ACSS2: variants seen among roughly 807,000 people sequenced by gnomAD.
The protein encoded by ACSS2 is acyl-CoA synthetase short chain family member 2, also known as acetyl-coenzyme A synthetase, cytoplasmic.
In ACSS2, 58 loss-of-function variants were observed where a neutral mutation model predicts 90.6. The observed-to-expected ratio is 0.64, with a 90% CI of 0.52 to 0.80. The LOEUF is 0.80. ACSS2 is among the 30% of genes least tolerant of loss of function. ACSS2 has a pLI of 0.00. For synonymous variants in ACSS2, 300 were observed against 330.9 expected (o/e 0.91, Z 1.01); for missense variants, 759 against 912.0 (o/e 0.83, Z 2.16).
intron 2 of ACSS2, among the ~76,000 whole-genome samples, chr20:34,909,636 A>G (rs2080899125): frequency 6.6e-6 from 1 of 152,020 alleles, no homozygotes; most frequent in Non-Finnish European, 1.5e-5. Context: ...CCTTAAGTAG[A>G]GCAGTTCTTC....
intron 2 of ACSS2, among the ~76,000 whole-genome samples, chr20:34,911,677 A>G (rs2080963318): frequency 2.0e-5 from 3 of 152,042 alleles, no homozygotes; most frequent in Admixed American, 2.0e-4. Context: ...TTTTTATATC[A>G]TTCTGCTCTA....
chr20:34,883,932 ATTGTTTTGTT>A (rs1018584928), intron 2 of ACSS2, among the ~76,000 whole-genome samples: 2 of 151,884 alleles, frequency 1.3e-5, no homozygotes, highest in South Asian at 2.1e-4. Flanking sequence ...TTGTTTTTGT[ATTGTTTTGTT>A]TTGTTTTGTT....
intron 1 of ACSS2, among the ~76,000 whole-genome samples, chr20:34,878,905 T>C (rs915657037): frequency 1.5e-5 from 2 of 133,610 alleles, no homozygotes; most frequent in Non-Finnish European, 3.5e-5. Context: ...CTTTTTTTTT[T>C]TTTTTTCTTT....
In ACSS2 at chr20:34,919,576, AGTGTGTGTGTGTGT is replaced by A. The variant is rs59343003; in HGVS notation, c.972+35_972+48del. 1.0e-3 allele frequency: 1,516 copies of A among 1,475,114 alleles called. 5 individuals carry two copies. In the African/African-American group the frequency reaches 0.018, roughly 17 times the overall value. The allele number at this position is 1,475,114 out of a possible 1,614,324, so 91.4% of individuals were successfully genotyped here. A position where few individuals can be genotyped will look rare whatever the true frequency, so the allele number is the denominator to read the frequency against. On this transcript the variant is annotated splice_donor_5th_base_variant and intron_variant, in intron 8 of 17. Transcript: ENST00000360596. ...TGGCTCCACAGGCAAACCCAAGGCAAGTGTGTGTGTGTGTGTGTGTGTGTGTGTGTGTGTGTGTG... is the reference window on the plus strand; with the variant it reads ...TGGCTCCACAGGCAAACCCAAGGCAAGTGTGTGTGTGTGTGTGTGTGTGTG...
At chr20:34,879,605 C>T (rs1226700465) in intron 1 of ACSS2, among the ~76,000 whole-genome samples, 1 of 151,928 alleles carries the variant, frequency 6.6e-6, no homozygotes, top group African/African-American at 2.4e-5. Context: ...TGGTGACGCA[C>T]GTCTGTAATC....
At chr20:34,924,040 G>A (rs746531450) in intron 14 of ACSS2, among the ~76,000 whole-genome samples, 1 of 152,176 alleles carries the variant, frequency 6.6e-6, no homozygotes, top group Non-Finnish European at 1.5e-5. Flanking sequence ...AGGGGTCTCA[G>A]AATGGTGCCA....
chr20:34,885,825 T>G (rs894417791), intron 2 of ACSS2, among the ~76,000 whole-genome samples: 3 of 152,072 alleles, frequency 2.0e-5, no homozygotes, highest in African/African-American at 7.3e-5. Context: ...ATTCTGTAAC[T>G]CAAAAACAAG....
chr20:34,904,072 A>G (rs1193236548), intron 2 of ACSS2, among the ~76,000 whole-genome samples: 1 of 152,048 alleles, frequency 6.6e-6, no homozygotes, highest in Non-Finnish European at 1.5e-5. Flanking sequence ...AAATAAATAT[A>G]ATAAAAGCTA....
chr20:34,888,063 C>A, intron 2 of ACSS2, among the ~76,000 whole-genome samples: 1 of 54,196 alleles, frequency 1.8e-5, no homozygotes, highest in Non-Finnish European at 3.6e-5. Flanking sequence ...GAGCAAGACT[C>A]CATCAAAAAA....
At chr20:34,906,729 T>C (rs1407805412) in intron 2 of ACSS2, among the ~76,000 whole-genome samples, 1 of 152,080 alleles carries the variant, frequency 6.6e-6, no homozygotes, top group Non-Finnish European at 1.5e-5. Flanking sequence ...ACGCCTGTAA[T>C]CCCAGCACTT....
intron 2 of ACSS2, among the ~76,000 whole-genome samples, chr20:34,898,789 C>T (rs993703498): frequency 5.3e-5 from 8 of 152,290 alleles, no homozygotes; most frequent in South Asian, 2.1e-4. Flanking sequence ...GCCAGTCCTG[C>T]GCCGTGTGCC....
At chr20:34,876,441 A>ATTTCTG (rs537426509), upstream of ACSS2, 158 of 462,172 alleles carry the variant, frequency 3.4e-4, no homozygotes, top group African/African-American at 3.1e-3. Flanking sequence ...TCCTTATAGT[A>ATTTCTG]TTTCTGTCCT....
In ACSS2 at chr20:34,914,178, G is replaced by A. The variant is rs2081027004; in HGVS notation, c.719+7G>A. On this transcript the variant is annotated splice_region_variant and intron_variant, in intron 6 of 17. Coordinates refer to ENST00000360596, the MANE Select transcript of ACSS2 (RefSeq NM_018677.4). Reference sequence around the variant, plus strand: ...TGCAGAAGTGTCAGGAGAAGTAAGTGTGTTTGGCTACTGTCTGAGTTGACT... The same window carrying A: ...TGCAGAAGTGTCAGGAGAAGTAAGTATGTTTGGCTACTGTCTGAGTTGACT... 6.2e-7 allele frequency: 1 copy of A among 1,614,034 alleles called. No individual in the cohort carries two copies. The highest frequency in any genetic ancestry group is 8.5e-7 in the Non-Finnish European group (1 of 1,180,004).
At chr20:34,880,440 C>G (rs985078381) in intron 1 of ACSS2, among the ~76,000 whole-genome samples, 6 of 149,266 alleles carry the variant, frequency 4.0e-5, no homozygotes, top group African/African-American at 1.5e-4. Flanking sequence ...GGAGGGGGTA[C>G]AGCTGAGATG....
Position 34,882,882 on chromosome 20 carries a change from G to T in ACSS2, c.267G>T (p.Gly89=). ...GGTACAACTTTGATGTGACTAAAGG[G>T]AAAATCTTCATTGAGTGGATGAAAG... The part of the protein sequence containing the change: ...FLRYNFDVTK[G]KIFIEWMKGA... Residue 89 remains glycine (G), a synonymous_variant, in exon 2 of 18, where the codon GGG becomes GGT. Transcript: ENST00000360596. 6.2e-7 allele frequency: 1 copy of T among 1,613,922 alleles called. No individual in the cohort carries two copies. Among genetic ancestry groups the T allele is most frequent in the Non-Finnish European group, 8.5e-7 (1 of 1,179,948 alleles).
chr20:34,900,305 G>A (rs1002557225), intron 2 of ACSS2, among the ~76,000 whole-genome samples: 2 of 151,136 alleles, frequency 1.3e-5, no homozygotes, highest in South Asian at 2.1e-4. Flanking sequence ...AAGTAGCTGC[G>A]ACTACAGGTG....
In ACSS2 at chr20:34,924,906, G is replaced by A. The variant is rs575462003; in HGVS notation, c.1658-792G>A. On this transcript the variant is annotated intron_variant, in intron 14 of 17. Coordinates refer to ENST00000360596, the MANE Select transcript of ACSS2 (RefSeq NM_018677.4). Reference sequence around the variant, plus strand: ...GTAGAGACGGGGTTTCACCATGTTGGCCATGTTGGTCTCGAACTCCTGATC... The same window carrying A: ...GTAGAGACGGGGTTTCACCATGTTGACCATGTTGGTCTCGAACTCCTGATC... Among the ~76,000 whole-genome samples, 381 of 151,612 alleles carry A rather than the reference G, an allele frequency of 2.5e-3. 4 individuals carry two copies. Among genetic ancestry groups the A allele is most frequent in the African/African-American group, 8.5e-3 (353 of 41,310 alleles).
At chr20:34,926,356 G>T (rs1417185083) in intron 16 of ACSS2, 75 bp downstream of exon 16, 11 of 1,514,118 alleles carry the variant, frequency 7.3e-6, no homozygotes, top group African/African-American at 1.4e-5. Flanking sequence ...TGTTGGGGAG[G>T]GGCTAGAGCA....
intron 2 of ACSS2, 74 bp downstream of exon 2, chr20:34,883,063 A>G: frequency 8.3e-7 from 1 of 1,197,870 alleles, no homozygotes; most frequent in East Asian, 2.5e-5. Flanking sequence ...CAGTAGAGTA[A>G]GCAAAGTGTC....
Sources: gnomAD v4.1 joint callset for allele counts (sites outside exome capture counted in the v4.1 genomes callset) on GRCh38, gnomAD v4.1.1 for gene constraint, MANE v1.5 for transcripts, NCBI Gene and HGNC (gene_info 2026-07-23, HGNC 2026-07-21) for gene names.